CDC42BPA: variants seen among roughly 807,000 people sequenced by gnomAD.
CDC42BPA encodes serine/threonine-protein kinase MRCK alpha.
Under a neutral mutation model 223.5 loss-of-function variants are expected in CDC42BPA, and 80 were observed. The ratio of observed to expected loss-of-function variants is 0.36; its 90% CI spans 0.30 to 0.43. The LOEUF (loss-of-function observed/expected upper bound fraction) is 0.43, where lower values mean the gene tolerates loss of function less well. Ranked by LOEUF, CDC42BPA falls within the 20% of genes least tolerant of loss-of-function variation. The probability of loss-of-function intolerance (pLI) is 1.00; values close to 1 mark genes in which losing one functional copy is unlikely to be tolerated. For synonymous variants in CDC42BPA, 694 were observed against 718.6 expected (o/e 0.97, Z 0.55); for missense variants, 1,743 against 2,099.9 (o/e 0.83, Z 3.32).
At chr1:227,253,999 T>G (rs1682619560) in intron 2 of CDC42BPA, 65 bp downstream of exon 2, 1 of 873,272 alleles carries the variant, frequency 1.1e-6, no homozygotes, top group Non-Finnish European at 1.9e-6. Flanking sequence ...TTAAATTCTC[T>G]CACAATTGTG....
chr1:227,309,255 G>A (rs529593520), intron 1 of CDC42BPA, among the ~76,000 whole-genome samples: 22 of 150,624 alleles, frequency 1.5e-4, no homozygotes, highest in Admixed American at 1.4e-3. Flanking sequence ...TCCCCTATAT[G>A]CTGTCTGTCT....
At chr1:227,144,845 T>A (rs966592430) in intron 8 of CDC42BPA, among the ~76,000 whole-genome samples, 1 of 152,122 alleles carries the variant, frequency 6.6e-6, no homozygotes. Flanking sequence ...GTCTGTGGAC[T>A]ATTTTCCCTA....
intron 1 of CDC42BPA, among the ~76,000 whole-genome samples, chr1:227,293,746 G>A (rs1165249364): frequency 3.3e-5 from 5 of 152,138 alleles, no homozygotes; most frequent in Non-Finnish European, 7.3e-5. Flanking sequence ...GGGAGGTGGA[G>A]GTTGCAGTGA....
At chr1:227,233,442 A>G (rs758160535) in intron 2 of CDC42BPA, among the ~76,000 whole-genome samples, 8 of 152,174 alleles carry the variant, frequency 5.3e-5, no homozygotes, top group African/African-American at 1.4e-4. Context: ...GAATGCATCT[A>G]AAGTTTCTCC....
intron 21 of CDC42BPA, among the ~76,000 whole-genome samples, chr1:227,058,849 G>C (rs1436367355): frequency 6.7e-6 from 1 of 149,526 alleles, no homozygotes. Context: ...TAGATAATTA[G>C]TTTGGGAGAT....
At chr1:227,294,859 CAAAA>C (rs397983087) in intron 1 of CDC42BPA, among the ~76,000 whole-genome samples, 1 of 12,818 alleles carries the variant, frequency 7.8e-5, no homozygotes, top group Middle Eastern at 0.083. Context: ...GACTCCGTCT[CAAAA>C]AAAAAAAAAA....
Position 227,317,823 on chromosome 1 carries a change from C to T in CDC42BPA, c.-641G>A, listed in dbSNP as rs546540063. The T allele has an allele frequency of 1.3e-5, 5 of 398,718 alleles. No homozygotes were observed. Among genetic ancestry groups the T allele is most frequent in the Admixed American group, 8.8e-5 (2 of 22,744 alleles). 24.7% of individuals were successfully genotyped at this position (398,718 alleles called of 1,614,324 possible). On this transcript the variant is annotated 5_prime_UTR_variant, in exon 1 of 37. Coordinates refer to ENST00000366766, the MANE Select transcript of CDC42BPA (RefSeq NM_001394014.1). ...TCGGCTCGGAGCACGCCAAGTCTTG[C>T]CCGGAGGCGGCTTTTCGTTTCTCCT...
intron 1 of CDC42BPA, among the ~76,000 whole-genome samples, chr1:227,311,232 A>AT (rs1433511324): frequency 6.6e-6 from 1 of 151,842 alleles, no homozygotes; most frequent in Admixed American, 6.6e-5. Flanking sequence ...ATGGTGGCAC[A>AT]TGCTTGTAGC....
intron 4 of CDC42BPA, among the ~76,000 whole-genome samples, chr1:227,195,548 C>G: frequency 6.6e-6 from 1 of 152,208 alleles, no homozygotes; most frequent in East Asian, 1.9e-4. Context: ...TTCTTATAGA[C>G]AGAGTCTATA....
Position 227,236,264 on chromosome 1 carries a change from G to A in CDC42BPA, c.270+17800C>T, listed in dbSNP as rs191823377. Among the ~76,000 whole-genome samples the A allele has an allele frequency of 2.5e-3, 384 of 152,148 alleles. 3 individuals are homozygous for A. Among genetic ancestry groups the A allele is most frequent in the Admixed American group, 0.024 (363 of 15,286 alleles). On this transcript the variant is annotated intron_variant, in intron 2 of 36. Transcript: ENST00000366766. The stretch of plus-strand genomic sequence containing the variant: ...TCTAATCCCTTGGGGAAACTAATTT[G>A]GGAGAAACCAGCTTTTGCTGTTTTT...
At chr1:227,089,741 T>C (rs1329633300) in intron 16 of CDC42BPA, among the ~76,000 whole-genome samples, 1 of 151,380 alleles carries the variant, frequency 6.6e-6, no homozygotes, top group Admixed American at 6.6e-5. Context: ...TGTATTAGAC[T>C]GCAACACAAT....
At chr1:227,148,048 C>A (rs1406640608) in intron 6 of CDC42BPA, among the ~76,000 whole-genome samples, 4 of 152,098 alleles carry the variant, frequency 2.6e-5, no homozygotes, top group African/African-American at 4.8e-5. Flanking sequence ...GTACAACAAA[C>A]TACTTACTAA....
At chr1:227,053,239 C>G (rs910322336) in intron 21 of CDC42BPA, among the ~76,000 whole-genome samples, 1 of 152,152 alleles carries the variant, frequency 6.6e-6, no homozygotes, top group African/African-American at 2.4e-5. Context: ...TTTAAAACAT[C>G]TGGCAAGTGT....
intron 34 of CDC42BPA, among the ~76,000 whole-genome samples, chr1:227,008,909 A>C (rs1273083090): frequency 6.6e-6 from 1 of 152,206 alleles, no homozygotes; most frequent in Non-Finnish European, 1.5e-5. Flanking sequence ...AAATGGAAAT[A>C]GTCAATGCTA....
intron 6 of CDC42BPA, among the ~76,000 whole-genome samples, chr1:227,157,955 C>CTTT (rs59212512): frequency 0.011 from 1,560 of 144,566 alleles, 17 homozygotes; most frequent in African/African-American, 0.026. Context: ...ATTTTTATAA[C>CTTT]TTTTTTTTTT....
intron 19 of CDC42BPA, among the ~76,000 whole-genome samples, chr1:227,072,783 C>T (rs997898934): frequency 6.6e-6 from 1 of 151,988 alleles, no homozygotes; most frequent in African/African-American, 2.4e-5. Context: ...ATCTTCCTGA[C>T]TTATGAACAA....
In CDC42BPA at chr1:227,030,529, A is replaced by T. The variant is rs1032495787; in HGVS notation, c.3776-59T>A. On this transcript the variant is annotated intron_variant, in intron 28 of 36. Coordinates refer to ENST00000366766, the MANE Select transcript of CDC42BPA (RefSeq NM_001394014.1). ...AGGAAAAAAACCATGTAATGCTAATAAACCAGATGATAAGAACATTTGGTG... is the reference window on the plus strand; with the variant it reads ...AGGAAAAAAACCATGTAATGCTAATTAACCAGATGATAAGAACATTTGGTG... 6.0e-6 allele frequency: 6 copies of T among 1,000,242 alleles called. No homozygotes were observed. In the African/African-American group the frequency reaches 1.0e-4, roughly 17 times the overall value. The allele number at this position is 1,000,242 out of a possible 1,614,324, so 62.0% of individuals were successfully genotyped here.
At chr1:227,005,877 A>C (rs1426403417) in intron 34 of CDC42BPA, among the ~76,000 whole-genome samples, 1 of 152,248 alleles carries the variant, frequency 6.6e-6, no homozygotes, top group Admixed American at 6.5e-5. Context: ...TGCAAATCAC[A>C]CACGCCTAAA....
intron 27 of CDC42BPA, among the ~76,000 whole-genome samples, chr1:227,031,986 C>A (rs1325374530): frequency 1.3e-5 from 2 of 152,172 alleles, no homozygotes; most frequent in African/African-American, 4.8e-5. Flanking sequence ...CAAGGACATA[C>A]AACTACAAGT....
Sources: allele counts gnomAD v4.1 joint callset (sites outside exome capture counted in the v4.1 genomes callset), GRCh38; gene constraint gnomAD v4.1.1; transcripts MANE v1.5; gene names NCBI Gene and HGNC (gene_info 2026-07-23, HGNC 2026-07-21).